PTPRN2: variants seen among roughly 807,000 people sequenced by gnomAD.
PTPRN2 encodes protein tyrosine phosphatase receptor type N2, also known as receptor-type tyrosine-protein phosphatase N2.
In PTPRN2, 74 loss-of-function variants were observed where a neutral mutation model predicts 118.8. The ratio of observed to expected loss-of-function variants is 0.62; its 90% CI spans 0.52 to 0.76. The LOEUF (loss-of-function observed/expected upper bound fraction) is 0.76, where lower values mean the gene tolerates loss of function less well. Ranked by LOEUF, PTPRN2 falls within the 30% of genes least tolerant of loss-of-function variation. PTPRN2 has a pLI of 0.00. For missense variants in PTPRN2, 1,481 were observed against 1,394.4 expected, an observed-to-expected ratio of 1.06 and a Z score of -0.99; for synonymous variants, 641 against 608.0, an observed-to-expected ratio of 1.05 and a Z score of -0.80.
At chr7:157,650,569 C>T (rs922557682) in intron 14 of PTPRN2, among the ~76,000 whole-genome samples, 21 of 152,300 alleles carry the variant, frequency 1.4e-4, no homozygotes, top group Admixed American at 3.3e-4. Flanking sequence ...CCAGCCCAGC[C>T]GCGTGGCCCC....
At chr7:157,745,673 C>A (rs1330708960) in intron 12 of PTPRN2, among the ~76,000 whole-genome samples, 2 of 152,150 alleles carry the variant, frequency 1.3e-5, no homozygotes, top group Non-Finnish European at 1.5e-5. Flanking sequence ...GCTTTGCTCT[C>A]AAATGTCAGC....
At chr7:158,193,859 C>A (rs192128649) in intron 4 of PTPRN2, among the ~76,000 whole-genome samples, 1 of 148,878 alleles carries the variant, frequency 6.7e-6, no homozygotes, top group Non-Finnish European at 1.5e-5. Flanking sequence ...AGAACACCTG[C>A]GTGAGTGACT....
At chr7:158,283,727 G>T (rs1586125123) in intron 3 of PTPRN2, among the ~76,000 whole-genome samples, 1 of 152,068 alleles carries the variant, frequency 6.6e-6, no homozygotes, top group African/African-American at 2.4e-5. Flanking sequence ...CAGCAGTGCC[G>T]TGGCAGCCAC....
intron 12 of PTPRN2, among the ~76,000 whole-genome samples, chr7:157,891,137 C>T (rs1247783745): frequency 6.6e-6 from 1 of 152,312 alleles, no homozygotes; most frequent in Non-Finnish European, 1.5e-5. Flanking sequence ...CTTGACAAGA[C>T]CCCAGGGAGA....
At chr7:158,020,488 G>C (rs971380237) in intron 11 of PTPRN2, among the ~76,000 whole-genome samples, 2 of 152,176 alleles carry the variant, frequency 1.3e-5, no homozygotes, top group African/African-American at 4.8e-5. Flanking sequence ...CACAGAAGTG[G>C]GGTTTGGCCT....
intron 3 of PTPRN2, among the ~76,000 whole-genome samples, chr7:158,279,694 C>G (rs917313990): frequency 6.6e-6 from 1 of 152,056 alleles, no homozygotes; most frequent in East Asian, 1.9e-4. Context: ...TGTGCAGCCC[C>G]GGCTCCCATC....
intron 6 of PTPRN2, 41 bp from the exon 7 acceptor site, chr7:158,138,556 C>A: frequency 6.3e-7 from 1 of 1,581,692 alleles, no homozygotes; most frequent in Non-Finnish European, 8.6e-7. Flanking sequence ...TGTGGGTGGA[C>A]GAATGCAAAG....
At chr7:157,656,674 G>A (rs1806119452) in intron 13 of PTPRN2, 123 bp from the exon 14 acceptor site, 13 of 1,058,826 alleles carry the variant, frequency 1.2e-5, no homozygotes, top group South Asian at 3.1e-5. Flanking sequence ...TCAGGCAGGC[G>A]AGAGTTTACC....
At chr7:157,800,958 AAT>A (rs924192301) in intron 12 of PTPRN2, among the ~76,000 whole-genome samples, 1 of 151,072 alleles carries the variant, frequency 6.6e-6, no homozygotes. Context: ...TTTCAAAAAA[AAT>A]ATATATATAC....
intron 13 of PTPRN2, among the ~76,000 whole-genome samples, chr7:157,661,590 G>A (rs920619421): frequency 2.6e-5 from 4 of 151,794 alleles, no homozygotes; most frequent in Admixed American, 2.0e-4. Context: ...GGCCTGCAGG[G>A]AGGAATGGGA....
At chr7:158,138,947 GACACCCTGCCCAGCACACCCTGCCCAGC>G (rs199845709) in intron 6 of PTPRN2, among the ~76,000 whole-genome samples, 4 of 143,250 alleles carry the variant, frequency 2.8e-5, no homozygotes, top group East Asian at 3.9e-4. Flanking sequence ...CCCTGCCCAG[GACACCCTGCCCAGCACACCCTGCCCAGC>G]ACACCCTGCC....
At chr7:158,414,848 G>A (rs1284664796) in intron 2 of PTPRN2, among the ~76,000 whole-genome samples, 1 of 152,216 alleles carries the variant, frequency 6.6e-6, no homozygotes, top group Non-Finnish European at 1.5e-5. Context: ...GAGCCAGCGT[G>A]CTGTAAGGAA....
At chr7:157,902,071 G>A (rs968462414) in intron 11 of PTPRN2, among the ~76,000 whole-genome samples, 7 of 152,242 alleles carry the variant, frequency 4.6e-5, no homozygotes, top group Admixed American at 2.6e-4. Flanking sequence ...GGGCCAGCAC[G>A]GTAGTGACTA....
chr7:158,356,540 C>A (rs907476310), intron 2 of PTPRN2, among the ~76,000 whole-genome samples: 1 of 152,130 alleles, frequency 6.6e-6, no homozygotes, highest in Admixed American at 6.6e-5. Context: ...AGTCCTCACC[C>A]AACACTGCCA....
intron 6 of PTPRN2, among the ~76,000 whole-genome samples, chr7:158,150,824 G>A (rs991398743): frequency 1.3e-5 from 2 of 151,842 alleles, no homozygotes; most frequent in Non-Finnish European, 2.9e-5. Context: ...ACTCTCCCAT[G>A]ATGGTTGCAC....
At chr7:158,405,521 G>A (rs1028213871) in intron 2 of PTPRN2, among the ~76,000 whole-genome samples, 2 of 152,206 alleles carry the variant, frequency 1.3e-5, no homozygotes, top group Non-Finnish European at 2.9e-5. Flanking sequence ...CTCCACACTG[G>A]AAGGGAACAA....
chr7:158,167,326 A>C lies in PTPRN2; in HGVS notation c.550-35T>G, dbSNP rs556383388. 2.7e-5 allele frequency: 41 copies of C among 1,539,458 alleles called. No homozygotes were observed. In the South Asian group the frequency reaches 4.4e-4, roughly 16 times the overall value. ...AGGAGAGCAAAACAGAGCAAGAGTC[A>C]CATTTCCATCGTCAGCTGGGGGCAC... On this transcript the variant is annotated intron_variant, in intron 5 of 22. Coordinates refer to ENST00000389418, the MANE Select transcript of PTPRN2 (RefSeq NM_002847.5).
intron 11 of PTPRN2, among the ~76,000 whole-genome samples, chr7:157,940,789 A>G (rs1800028048): frequency 1.2e-5 from 1 of 83,048 alleles, no homozygotes; most frequent in Non-Finnish European, 2.0e-5. Context: ...CAAATCAAAC[A>G]CCCTCCCCCA....
At chr7:157,758,902 T>C (rs951656286) in intron 12 of PTPRN2, among the ~76,000 whole-genome samples, 1 of 152,164 alleles carries the variant, frequency 6.6e-6, no homozygotes, top group Non-Finnish European at 1.5e-5. Flanking sequence ...GTGCTCCTGG[T>C]TTCCCTGCCA....
Sources: allele counts gnomAD v4.1 joint callset (sites outside exome capture counted in the v4.1 genomes callset), GRCh38; gene constraint gnomAD v4.1.1; transcripts MANE v1.5; gene names NCBI Gene and HGNC (gene_info 2026-07-23, HGNC 2026-07-21).